The following MYO18B variants were observed in gnomAD, a reference collection of about 807,000 sequenced individuals.
MYO18B encodes unconventional myosin-XVIIIb.
A neutral mutation model predicts 273.0 loss-of-function variants in MYO18B; 204 were observed. The observed-to-expected ratio is 0.75, with a 90% confidence interval of 0.67 to 0.84. The LOEUF (loss-of-function observed/expected upper bound fraction) is 0.84. Ranked by LOEUF, MYO18B falls within the 40% of genes least tolerant of loss-of-function variation. The probability of loss-of-function intolerance (pLI) is 0.00; values close to 1 mark genes in which losing one functional copy is unlikely to be tolerated. For synonymous variants in MYO18B, 1,330 were observed against 1,305.7 expected (o/e 1.02, Z -0.40); for missense variants, 3,212 against 3,287.6 (o/e 0.98, Z 0.56).
intron 12 of MYO18B, among the ~76,000 whole-genome samples, chr22:25,822,964 C>T (rs916541491): frequency 3.3e-5 from 5 of 152,124 alleles, no homozygotes; most frequent in Non-Finnish European, 4.4e-5. Flanking sequence ...CTCCTAGGGC[C>T]GGGTGGTGGT....
chr22:25,787,109 G>T (rs1240688932), intron 11 of MYO18B, among the ~76,000 whole-genome samples: 3 of 152,120 alleles, frequency 2.0e-5, no homozygotes, highest in African/African-American at 7.2e-5. Flanking sequence ...CAGCTGCTTG[G>T]GAGGCTGAGT....
the MYO18B span, among the ~76,000 whole-genome samples, chr22:26,043,729 T>C: frequency 6.6e-6 from 1 of 152,076 alleles, no homozygotes; most frequent in Non-Finnish European, 1.5e-5. Flanking sequence ...TTGGCCAGAC[T>C]GGTCTCGAAC....
Position 26,027,442 on chromosome 22 carries a change from A to G in MYO18B, c.7468A>G (p.Thr2490Ala), listed in dbSNP as rs1936343714. The change falls in exon 43 of 44, where the codon ACC becomes GCC. Residue 2490 changes from threonine to alanine, a missense_variant. Coordinates refer to ENST00000335473, the MANE Select transcript of MYO18B (RefSeq NM_032608.7). The surrounding 1 kb of genome is among the most constrained non-coding windows in gnomAD (Gnocchi z 4.1). The stretch of plus-strand genomic sequence containing the variant: ...CCGTTCCTTTCTCTCGGGGATCAAG[A>G]CCATTTTGAAGAAGAGCCCGGAGCC... ...ANRSFLSGIKTILKKSPEPKE... is the reference protein window; with the variant it reads ...ANRSFLSGIKAILKKSPEPKE... The G allele has an allele frequency of 5.6e-6, 9 of 1,613,762 alleles. No individual in the cohort carries two copies. The highest frequency in any genetic ancestry group is 7.6e-6 in the Non-Finnish European group (9 of 1,179,868).
chr22:25,884,011 G>A (rs1438354117), intron 25 of MYO18B, among the ~76,000 whole-genome samples: 1 of 152,078 alleles, frequency 6.6e-6, no homozygotes. Context: ...GAGGTGGGGT[G>A]TTTTTCCACC....
intron 39 of MYO18B, among the ~76,000 whole-genome samples, chr22:25,967,809 T>C (rs1461031004): frequency 6.6e-6 from 1 of 152,216 alleles, no homozygotes; most frequent in African/African-American, 2.4e-5. Context: ...ACAGGCTGAA[T>C]TCGGTGTGCT....
chr22:25,798,688 T>C (rs1490875512), intron 12 of MYO18B, among the ~76,000 whole-genome samples: 3 of 152,120 alleles, frequency 2.0e-5, no homozygotes, highest in South Asian at 2.1e-4. Flanking sequence ...GCCTCCTGAG[T>C]AGCTGGGACT....
At chr22:25,903,887 A>G in intron 31 of MYO18B, 56 bp downstream of exon 31, 1 of 1,529,928 alleles carries the variant, frequency 6.5e-7, no homozygotes, top group Non-Finnish European at 8.8e-7. Flanking sequence ...ATGCAGAGTG[A>G]TGTTATTAAA....
At chr22:25,807,130 C>T (rs2088514763) in intron 12 of MYO18B, among the ~76,000 whole-genome samples, 1 of 152,166 alleles carries the variant, frequency 6.6e-6, no homozygotes, top group African/African-American at 2.4e-5. Flanking sequence ...AGAACTTGCA[C>T]CTCTCAGAGG....
chr22:25,753,422 A>ACCAATCAGCTCTCTGTAAAATGGT, intron 1 of MYO18B, among the ~76,000 whole-genome samples: 1 of 152,098 alleles, frequency 6.6e-6, no homozygotes, highest in Non-Finnish European at 1.5e-5. Context: ...TGTAAAACGG[A>ACCAATCAGCTCTCTGTAAAATGGT]CCAATCAGCT....
rs1569162526 is a variant in MYO18B, at chr22:25,895,226, A to G, written c.4614A>G (p.Gln1538=). The change falls in exon 28 of 44, where the codon CAA becomes CAG. Residue 1538 remains glutamine (Q), a synonymous_variant. Coordinates refer to ENST00000335473, the MANE Select transcript of MYO18B (RefSeq NM_032608.7). ...AGTTCCTCAGAAAGCGTCTGCAGCA[A>G]TGCGAGGAGAGGCTGGACTCGGAGC... ...ENEFLRKRLQ[Q]CEERLDSELT... 1 of 1,609,616 alleles carries G rather than the reference A, an allele frequency of 6.2e-7. No individual in the cohort carries two copies. The highest frequency in any genetic ancestry group is 8.5e-7 in the Non-Finnish European group (1 of 1,178,028).
chr22:25,989,902 C>T (rs1449994847), intron 39 of MYO18B, among the ~76,000 whole-genome samples: 1 of 152,164 alleles, frequency 6.6e-6, no homozygotes, highest in South Asian at 2.1e-4. Flanking sequence ...CCCCCTCCTT[C>T]ACAGTCCCTC....
At chr22:25,927,572 T>A (rs185638082) in intron 34 of MYO18B, among the ~76,000 whole-genome samples, 67 of 152,360 alleles carry the variant, frequency 4.4e-4, no homozygotes, top group Non-Finnish European at 8.2e-4. Flanking sequence ...GCCTCGGTCC[T>A]GTGGTCCTGT....
chr22:26,024,321 C>T (rs1328940746), intron 42 of MYO18B, among the ~76,000 whole-genome samples: 2 of 152,122 alleles, frequency 1.3e-5, no homozygotes, highest in Admixed American at 1.3e-4. Context: ...TCCCAGCTGC[C>T]CCAGGAGGAA....
At chr22:25,911,195 C>T in intron 33 of MYO18B, 145 bp downstream of exon 33, 1 of 657,104 alleles carries the variant, frequency 1.5e-6, no homozygotes, top group Non-Finnish European at 2.6e-6. Flanking sequence ...CAAAGGAGAC[C>T]TTCAGGTGCC....
intron 35 of MYO18B, 74 bp downstream of exon 35, chr22:25,946,324 G>T: frequency 9.6e-7 from 1 of 1,037,424 alleles, no homozygotes; most frequent in Non-Finnish European, 1.4e-6. Context: ...GGCCTAGTGT[G>T]CGCTCAGCAC....
intron 13 of MYO18B, among the ~76,000 whole-genome samples, chr22:25,824,371 A>G (rs982006476): frequency 4.6e-5 from 7 of 152,160 alleles, no homozygotes; most frequent in South Asian, 2.1e-4. Flanking sequence ...GCCCTAAGAG[A>G]AAGACAGAGA....
the MYO18B span, among the ~76,000 whole-genome samples, chr22:26,059,176 C>A: frequency 6.6e-6 from 1 of 152,200 alleles, no homozygotes; most frequent in African/African-American, 2.4e-5. Context: ...GTGAATGCCA[C>A]GTGGTCAGCA....
chr22:25,984,065 A>G (rs1194597013), intron 39 of MYO18B, among the ~76,000 whole-genome samples: 3 of 152,232 alleles, frequency 2.0e-5, no homozygotes, highest in Non-Finnish European at 4.4e-5. Context: ...CTTAGAAAGA[A>G]GGAAATAGGA....
At chr22:25,827,020 C>T (rs1200749846) in intron 14 of MYO18B, among the ~76,000 whole-genome samples, 1 of 152,170 alleles carries the variant, frequency 6.6e-6, no homozygotes, top group Non-Finnish European at 1.5e-5. Context: ...CGAGATCGCG[C>T]CACCACACTC....
Sources: allele counts gnomAD v4.1 joint callset (sites outside exome capture counted in the v4.1 genomes callset), GRCh38; gene constraint gnomAD v4.1.1; non-coding constraint Gnocchi (gnomAD v3.1); transcripts MANE v1.5; gene names NCBI Gene and HGNC (gene_info 2026-07-23, HGNC 2026-07-21).